Variants in SYN3 observed in about 807,000 individuals in gnomAD.
SYN3 encodes the protein synapsin III, also known as synapsin-3.
SYN3 carries 35 observed loss-of-function variants against 65.8 expected under a neutral mutation model. The observed-to-expected ratio is 0.53, with a 90% CI of 0.41 to 0.70. The LOEUF is 0.70. SYN3 is among the 30% of genes least tolerant of loss of function. The pLI, the probability that SYN3 is intolerant of heterozygous loss-of-function variation, is 0.00. For synonymous variants in SYN3, 270 were observed against 292.9 expected, an observed-to-expected ratio of 0.92 and a Z score of 0.80; for missense variants, 680 against 749.0, an observed-to-expected ratio of 0.91 and a Z score of 1.08.
intron 6 of SYN3, among the ~76,000 whole-genome samples, chr22:32,725,132 A>G (rs892596256): frequency 2.0e-5 from 3 of 151,600 alleles, no homozygotes; most frequent in Non-Finnish European, 4.4e-5. Context: ...AAACAAAACA[A>G]ACACAACACA....
intron 6 of SYN3, among the ~76,000 whole-genome samples, chr22:32,784,562 G>T (rs1446612036): frequency 6.6e-6 from 1 of 152,228 alleles, no homozygotes; most frequent in Non-Finnish European, 1.5e-5. Flanking sequence ...TTTCAGCCTT[G>T]CAGAGGAGCC....
chr22:32,882,266 C>CT (rs1601614427), intron 4 of SYN3, among the ~76,000 whole-genome samples: 1 of 152,172 alleles, frequency 6.6e-6, no homozygotes, highest in East Asian at 1.9e-4. Flanking sequence ...AAGCCAGGGC[C>CT]TTCCCTGTCC....
rs542371906 is a variant in SYN3 at position 32,599,936 on chromosome 22, C to T, written c.712-3200G>A. Among the ~76,000 whole-genome samples the T allele has an allele frequency of 1.4e-3, 218 of 152,122 alleles. 2 individuals carry two copies. Among genetic ancestry groups the T allele is most frequent in the Non-Finnish European group, 1.9e-3 (129 of 68,014 alleles). Reference sequence around the variant, plus strand: ...CAGCATGGCAGGAAGCTGTGGGGTACGTCGCGGTCATGTGCAAGTCTCCAG... The same window carrying T: ...CAGCATGGCAGGAAGCTGTGGGGTATGTCGCGGTCATGTGCAAGTCTCCAG... On this transcript the variant is annotated intron_variant, in intron 6 of 13. Transcript: ENST00000358763.
At chr22:32,923,188 CAGTCTTGA>C (rs1352513639) in intron 4 of SYN3, among the ~76,000 whole-genome samples, 3 of 152,172 alleles carry the variant, frequency 2.0e-5, no homozygotes, top group Non-Finnish European at 4.4e-5. Context: ...CTGCTGGCAT[CAGTCTTGA>C]AGTCTGAAGG....
intron 12 of SYN3, among the ~76,000 whole-genome samples, chr22:32,522,536 A>G (rs2057903229): frequency 6.6e-6 from 1 of 152,208 alleles, no homozygotes; most frequent in South Asian, 2.1e-4. Context: ...GTAGTTTCGG[A>G]ACACTTATTA....
At chr22:32,680,455 T>C (rs2060507778) in intron 6 of SYN3, among the ~76,000 whole-genome samples, 1 of 152,236 alleles carries the variant, frequency 6.6e-6, no homozygotes, top group Non-Finnish European at 1.5e-5. Flanking sequence ...TTTGTCTGTA[T>C]TCCACAGCAT....
intron 6 of SYN3, among the ~76,000 whole-genome samples, chr22:32,650,230 T>TCTCCCTCCCTCCCTCCCTCCCTCC (rs747251948): frequency 2.1e-5 from 2 of 93,296 alleles, no homozygotes; most frequent in African/African-American, 1.4e-4. Context: ...TCTCTCTCTC[T>TCTCCCTCCCTCCCTCCCTCCCTCC]CTCCCTCCCT....
intron 6 of SYN3, among the ~76,000 whole-genome samples, chr22:32,655,387 A>C (rs2060128529): frequency 6.6e-6 from 1 of 152,210 alleles, no homozygotes; most frequent in African/African-American, 2.4e-5. Flanking sequence ...GGACTAAGAC[A>C]GGGGTCTCCA....
chr22:33,033,410 A>G (rs879174413), intron 1 of SYN3, among the ~76,000 whole-genome samples: 1 of 151,926 alleles, frequency 6.6e-6, no homozygotes, highest in Non-Finnish European at 1.5e-5. Flanking sequence ...CCTCCTTGTC[A>G]TTTTGGTCCC....
intron 6 of SYN3, among the ~76,000 whole-genome samples, chr22:32,633,204 T>G (rs562776423): frequency 2.6e-5 from 4 of 152,390 alleles, no homozygotes; most frequent in African/African-American, 9.6e-5. Context: ...TCAGTTATTA[T>G]TTTTACGAAA....
At chr22:32,719,768 A>C (rs2061090416) in intron 6 of SYN3, among the ~76,000 whole-genome samples, 1 of 152,226 alleles carries the variant, frequency 6.6e-6, no homozygotes, top group South Asian at 2.1e-4. Flanking sequence ...GGATGGCTTT[A>C]GCCTAGGAGT....
intron 6 of SYN3, among the ~76,000 whole-genome samples, chr22:32,624,221 G>A (rs961616329): frequency 6.6e-6 from 1 of 152,212 alleles, no homozygotes; most frequent in African/African-American, 2.4e-5. Context: ...AACGGTGCCT[G>A]TTCTCTGCCA....
At chr22:32,580,199 T>C (rs2058918431) in intron 7 of SYN3, among the ~76,000 whole-genome samples, 1 of 152,246 alleles carries the variant, frequency 6.6e-6, no homozygotes, top group Non-Finnish European at 1.5e-5. Context: ...CAACAAACTA[T>C]GGCCTGAGGG....
At chr22:32,998,008 C>CA (rs2052935833) in intron 2 of SYN3, among the ~76,000 whole-genome samples, 1 of 138,720 alleles carries the variant, frequency 7.2e-6, no homozygotes, top group Admixed American at 7.8e-5. Flanking sequence ...GCCTGGGTGA[C>CA]AGAGCGAGAC....
intron 4 of SYN3, among the ~76,000 whole-genome samples, chr22:32,930,207 G>A (rs1425518571): frequency 6.6e-6 from 1 of 152,148 alleles, no homozygotes; most frequent in Non-Finnish European, 1.5e-5. Flanking sequence ...ATGTGTCATG[G>A]GAGGGACCTG....
chr22:32,795,907 T>C (rs2046417370), intron 6 of SYN3, among the ~76,000 whole-genome samples: 1 of 152,172 alleles, frequency 6.6e-6, no homozygotes, highest in Non-Finnish European at 1.5e-5. Context: ...AGAAAGCTCA[T>C]GTGCCTTGCA....
chr22:32,565,123 G>C (rs113639091), intron 7 of SYN3, among the ~76,000 whole-genome samples: 1 of 149,336 alleles, frequency 6.7e-6, no homozygotes, highest in Non-Finnish European at 1.5e-5. Flanking sequence ...CAGTGCTCCC[G>C]GACTGCACCC....
chr22:33,028,677 T>G (rs2053686976), intron 1 of SYN3, among the ~76,000 whole-genome samples: 1 of 83,254 alleles, frequency 1.2e-5, no homozygotes, highest in African/African-American at 5.5e-5. Context: ...GTGGTGGTGG[T>G]GGTGGTGGTG....
intron 6 of SYN3, among the ~76,000 whole-genome samples, chr22:32,759,203 G>C (rs2045382604): frequency 6.6e-6 from 1 of 152,104 alleles, no homozygotes; most frequent in African/African-American, 2.4e-5. Context: ...GCATTCCCAG[G>C]CCTAGCCAGC....
Sources: gnomAD v4.1 joint callset for allele counts (sites outside exome capture counted in the v4.1 genomes callset) on GRCh38, gnomAD v4.1.1 for gene constraint, MANE v1.5 for transcripts, NCBI Gene and HGNC (gene_info 2026-07-23, HGNC 2026-07-21) for gene names.